The following ZHX2 variants were observed in gnomAD, a reference collection of about 807,000 sequenced individuals.
The protein encoded by ZHX2 is zinc fingers and homeoboxes protein 2.
Under a neutral mutation model 21.9 loss-of-function variants are expected in ZHX2, and 6 were observed. The observed-to-expected ratio is 0.27, with a 90% CI of 0.15 to 0.54. The LOEUF is 0.54. ZHX2 is among the 20% of genes least tolerant of loss of function. The pLI is 0.95. For synonymous variants in ZHX2, 434 were observed against 437.1 expected (o/e 0.99, Z 0.09); for missense variants, 908 against 1,090.7 (o/e 0.83, Z 2.36).
intron 2 of ZHX2, among the ~76,000 whole-genome samples, chr8:122,911,336 G>A (rs936302956): frequency 6.6e-6 from 1 of 152,122 alleles, no homozygotes; most frequent in Non-Finnish European, 1.5e-5. Context: ...CCAGCAGGCA[G>A]CCTCCTGTCT....
chr8:122,780,494 G>A (rs956082942), upstream of ZHX2: 1 of 152,422 alleles, frequency 6.6e-6, no homozygotes, highest in African/African-American at 2.4e-5. Flanking sequence ...AGGTACATCT[G>A]GGCAGGAATG....
chr8:122,956,426 G>A (rs1020332302), intron 3 of ZHX2, among the ~76,000 whole-genome samples: 11 of 152,176 alleles, frequency 7.2e-5, no homozygotes, highest in East Asian at 1.9e-4. Context: ...GGAAGGGCAC[G>A]GCTCTGGGTC....
At chr8:122,966,848 T>A (rs891756932) in intron 3 of ZHX2, among the ~76,000 whole-genome samples, 96 of 152,366 alleles carry the variant, frequency 6.3e-4, no homozygotes, top group African/African-American at 2.3e-3. Context: ...TTGTTCATTT[T>A]TTTTAATTAG....
At chr8:122,943,556 T>C (rs1160931230) in intron 2 of ZHX2, among the ~76,000 whole-genome samples, 1 of 152,142 alleles carries the variant, frequency 6.6e-6, no homozygotes, top group Non-Finnish European at 1.5e-5. Flanking sequence ...GCTGTCACAT[T>C]CAAACCCCAA....
At chr8:122,941,813 G>C (rs1211889288) in intron 2 of ZHX2, among the ~76,000 whole-genome samples, 1 of 152,220 alleles carries the variant, frequency 6.6e-6, no homozygotes, top group East Asian at 1.9e-4. Context: ...CGTGACTTCT[G>C]ATTAAAAATA....
intron 1 of ZHX2, among the ~76,000 whole-genome samples, chr8:122,825,676 T>C (rs1818248875): frequency 6.6e-6 from 1 of 152,056 alleles, no homozygotes; most frequent in South Asian, 2.1e-4. Flanking sequence ...AAGTGCATGG[T>C]TTTTGGCAAA....
At chr8:122,950,933 C>G (rs184902921) in intron 2 of ZHX2, among the ~76,000 whole-genome samples, 1 of 152,086 alleles carries the variant, frequency 6.6e-6, no homozygotes, top group African/African-American at 2.4e-5. Context: ...GGACACATCT[C>G]GCTTCCGAGG....
intron 2 of ZHX2, among the ~76,000 whole-genome samples, chr8:122,863,820 G>A (rs114788119): frequency 2.0e-5 from 3 of 152,080 alleles, no homozygotes; most frequent in Non-Finnish European, 4.4e-5. Context: ...CATCCAGAGG[G>A]CATGTGCTCA....
chr8:122,790,196 C>T (rs540935561), intron 1 of ZHX2, among the ~76,000 whole-genome samples: 1 of 152,190 alleles, frequency 6.6e-6, no homozygotes, highest in East Asian at 1.9e-4. Flanking sequence ...TCCAGGAATG[C>T]TCTAGCTGAA....
Position 122,844,772 on chromosome 8 carries a change from GT to G in ZHX2, c.-282-18702del, listed in dbSNP as rs1425322000. 2.0e-5 allele frequency among the ~76,000 whole-genome samples: 3 copies of G among 152,046 alleles called. No homozygotes were observed. The East Asian group carries it at 5.8e-4, about 29-fold the overall frequency. On this transcript the variant is annotated intron_variant, in intron 1 of 3. Transcript: ENST00000314393. ...GTCTGTCTCACACACACACTTTTTG[GT>G]TTAAATAGCAGAAAGGCAATGACTG...
intron 1 of ZHX2, among the ~76,000 whole-genome samples, chr8:122,847,178 G>A (rs1251285233): frequency 6.6e-6 from 1 of 152,192 alleles, no homozygotes; most frequent in Non-Finnish European, 1.5e-5. Flanking sequence ...CATTTGCACA[G>A]GAAGCCTCCT....
intron 1 of ZHX2, among the ~76,000 whole-genome samples, chr8:122,838,572 G>GA (rs1818553445): frequency 7.8e-6 from 1 of 128,394 alleles, no homozygotes; most frequent in Non-Finnish European, 1.6e-5. Flanking sequence ...TTAGTAATGT[G>GA]ATTTTTTTTT....
intron 2 of ZHX2, among the ~76,000 whole-genome samples, chr8:122,905,100 A>G (rs539824926): frequency 6.6e-6 from 1 of 152,364 alleles, no homozygotes; most frequent in Admixed American, 6.5e-5. Flanking sequence ...TCTGAACAAC[A>G]GAGAGAAAAT....
intron 1 of ZHX2, among the ~76,000 whole-genome samples, chr8:122,809,913 G>T (rs1328392236): frequency 6.6e-6 from 1 of 152,162 alleles, no homozygotes; most frequent in East Asian, 1.9e-4. Context: ...GTTTTCAGAA[G>T]GAGTTAGAAA....
At chr8:122,946,281 A>G (rs531701477) in intron 2 of ZHX2, among the ~76,000 whole-genome samples, 1 of 152,198 alleles carries the variant, frequency 6.6e-6, no homozygotes, top group South Asian at 2.1e-4. Flanking sequence ...CCAACATGCT[A>G]CTATCCTTTA....
chr8:122,850,484 A>C (rs976909925), intron 1 of ZHX2, among the ~76,000 whole-genome samples: 1 of 152,036 alleles, frequency 6.6e-6, no homozygotes, highest in African/African-American at 2.4e-5. Flanking sequence ...TGAAAAGTAC[A>C]AAAAAATTAG....
At chr8:122,841,394 G>C (rs547696036) in intron 1 of ZHX2, among the ~76,000 whole-genome samples, 1 of 152,274 alleles carries the variant, frequency 6.6e-6, no homozygotes, top group East Asian at 1.9e-4. Context: ...AAGGCCTAGA[G>C]ATCTCCCTAT....
chr8:122,931,145 T>C (rs1024145807), intron 2 of ZHX2, among the ~76,000 whole-genome samples: 3 of 152,222 alleles, frequency 2.0e-5, no homozygotes, highest in Admixed American at 6.5e-5. Flanking sequence ...AGGTCCAGAC[T>C]TGCAGCCATA....
At position 122,952,911 on chromosome 8, in the gene ZHX2, C is replaced by T. The variant is rs145695205; in HGVS notation, c.1401C>T (p.Ala467=). 201 of 1,614,116 alleles carry T rather than the reference C, an allele frequency of 1.2e-4. No homozygotes were observed. In the African/African-American group the frequency reaches 1.7e-3, roughly 13 times the overall value. The change falls in exon 3 of 4, where the codon GCC becomes GCT. Residue 467 remains alanine, a synonymous_variant. Coordinates refer to ENST00000314393, the MANE Select transcript of ZHX2 (RefSeq NM_014943.5). The surrounding 1 kb of genome is among the most constrained non-coding windows in gnomAD (Gnocchi z 6.9). ...SFLQSQFPDD[A]EVYRLIEVTG... ...TCCAGAGCCAGTTCCCTGACGATGC[C>T]GAGGTTTACCGGCTCATCGAGGTGA... is the stretch of plus-strand genomic sequence containing the variant.
Sources: gnomAD v4.1 joint callset for allele counts (sites outside exome capture counted in the v4.1 genomes callset) on GRCh38, gnomAD v4.1.1 for gene constraint, Gnocchi (gnomAD v3.1) non-coding constraint, MANE v1.5 for transcripts, NCBI Gene and HGNC (gene_info 2026-07-23, HGNC 2026-07-21) for gene names.